Variants in PLSCR4 observed in about 807,000 individuals in gnomAD.
The protein encoded by PLSCR4 is phospholipid scramblase 4.
A neutral mutation model predicts 36.3 loss-of-function variants in PLSCR4; 25 were observed. That is an observed-to-expected ratio of 0.69 (90% CI 0.50 to 0.96). PLSCR4 has a LOEUF of 0.96. Among genes scored for constraint, PLSCR4 ranks in the 40% least tolerant of loss-of-function variants. The probability of loss-of-function intolerance (pLI) is 0.00; values close to 1 mark genes in which losing one functional copy is unlikely to be tolerated. For missense variants in PLSCR4, 408 were observed against 414.7 expected (o/e 0.98, Z 0.14); for synonymous variants, 122 against 132.9 (o/e 0.92, Z 0.56).
intron 1 of PLSCR4, among the ~76,000 whole-genome samples, chr3:146,232,067 T>G (rs900990562): frequency 2.0e-5 from 3 of 152,212 alleles, no homozygotes; most frequent in Non-Finnish European, 2.9e-5. Flanking sequence ...TACAGTCTTC[T>G]GCATATGGCT....
Position 146,196,804 on chromosome 3 carries a change from A to G in PLSCR4, c.625-11T>C, listed in dbSNP as rs1559896496. On this transcript the variant is annotated splice_polypyrimidine_tract_variant and intron_variant, in intron 6 of 8. Coordinates refer to ENST00000354952, the MANE Select transcript of PLSCR4 (RefSeq NM_020353.3). ...ACACTGCACCTCCAGCTGCAAACAA[A>G]ACAGTGACAGAAGTTAGGATGCTAC... 5.6e-6 allele frequency: 9 copies of G among 1,613,184 alleles called. No homozygotes were observed. In the Admixed American group the frequency reaches 1.5e-4, roughly 27 times the overall value.
At chr3:146,246,355 A>C (rs1046843166) in intron 1 of PLSCR4, among the ~76,000 whole-genome samples, 4 of 152,034 alleles carry the variant, frequency 2.6e-5, no homozygotes, top group Admixed American at 2.6e-4. Context: ...TATTAACATC[A>C]TGACTCCTTC....
chr3:146,245,750 TAATA>T (rs1217520967), intron 1 of PLSCR4, among the ~76,000 whole-genome samples: 19 of 151,326 alleles, frequency 1.3e-4, no homozygotes, highest in Non-Finnish European at 2.1e-4. Context: ...AATAAATGTA[TAATA>T]AATTATATAA....
At chr3:146,243,961 G>A (rs969351459) in intron 1 of PLSCR4, among the ~76,000 whole-genome samples, 2 of 152,134 alleles carry the variant, frequency 1.3e-5, no homozygotes, top group Non-Finnish European at 2.9e-5. Flanking sequence ...GTGGCTTTCC[G>A]ACACAGGCAT....
At chr3:146,220,787 G>A (rs1576473298) in intron 3 of PLSCR4, 28 bp downstream of exon 3, 2 of 1,347,012 alleles carry the variant, frequency 1.5e-6, no homozygotes, top group East Asian at 4.6e-5. Context: ...TAGCAAAGGA[G>A]AATATCTTTT....
Position 146,194,449 on chromosome 3 carries a change from T to C in PLSCR4, c.952A>G (p.Met318Val). The C allele has an allele frequency of 2.5e-6, 4 of 1,592,046 alleles. No homozygotes were observed. In the East Asian group the frequency reaches 8.9e-5, roughly 36 times the overall value. Residue 318 changes from methionine (M) to valine (V), a missense_variant, in exon 9 of 9, where the codon ATG becomes GTG. Physicochemically the swap from Met to Val is conservative, Grantham distance 21. Transcript: ENST00000354952. ...TGTGGTGGAGATCTTTCAAAATACATGAAGTCCTGAAATTGGAAAAAGAAT... is the reference window on the plus strand; with the variant it reads ...TGTGGTGGAGATCTTTCAAAATACACGAAGTCCTGAAATTGGAAAAAGAAT... ...IFGACFLIDFMYFERSPPQRS... is the reference protein window; with the variant it reads ...IFGACFLIDFVYFERSPPQRS...
chr3:146,217,231 A>G (rs1366384592), intron 3 of PLSCR4, among the ~76,000 whole-genome samples: 1 of 152,206 alleles, frequency 6.6e-6, no homozygotes, highest in Admixed American at 6.5e-5. Context: ...ATAGCATGTT[A>G]AGGGATTAGA....
intron 4 of PLSCR4, among the ~76,000 whole-genome samples, chr3:146,204,582 G>T (rs923608363): frequency 6.6e-6 from 1 of 151,872 alleles, no homozygotes; most frequent in Non-Finnish European, 1.5e-5. Context: ...CCAAACCTGT[G>T]TTTTGTTTAT....
At chr3:146,197,789 G>A (rs1049918736) in intron 6 of PLSCR4, among the ~76,000 whole-genome samples, 1 of 151,992 alleles carries the variant, frequency 6.6e-6, no homozygotes, top group African/African-American at 2.4e-5. Flanking sequence ...TTTGGGGAAA[G>A]GATTACCCAG....
intron 4 of PLSCR4, among the ~76,000 whole-genome samples, chr3:146,205,551 C>T (rs1013723608): frequency 6.6e-6 from 1 of 152,014 alleles, no homozygotes; most frequent in African/African-American, 2.4e-5. Flanking sequence ...AATGCAAGCA[C>T]TGTGATACTG....
Position 146,196,798 on chromosome 3 carries a change from A to T in PLSCR4, c.625-5T>A. On this transcript the variant is annotated splice_region_variant and splice_polypyrimidine_tract_variant and intron_variant, in intron 6 of 8. Transcript: ENST00000354952. ...AGGAGGACACTGCACCTCCAGCTGC[A>T]AACAAAACAGTGACAGAAGTTAGGA... 1 of 1,613,462 alleles carries T rather than the reference A, an allele frequency of 6.2e-7. No individual in the cohort carries two copies. Among genetic ancestry groups the T allele is most frequent in the Non-Finnish European group, 8.5e-7 (1 of 1,179,640 alleles).
In PLSCR4 at chr3:146,226,481, G is replaced by A. The variant is rs553610240; in HGVS notation, c.-21-4389C>T. 7.2e-5 allele frequency among the ~76,000 whole-genome samples: 11 copies of A among 152,240 alleles called. No homozygotes were observed. The East Asian group carries it at 1.7e-3, about 24-fold the overall frequency. ...AATTATTATATCTATGTGTCTGTCC[G>A]CCTATCATCTATCTAGCTATCTATA... On this transcript the variant is annotated intron_variant, in intron 1 of 8. Transcript: ENST00000354952.
At chr3:146,237,530 A>T (rs1482458383) in intron 1 of PLSCR4, among the ~76,000 whole-genome samples, 2 of 152,118 alleles carry the variant, frequency 1.3e-5, no homozygotes, top group Non-Finnish European at 2.9e-5. Flanking sequence ...ATAAAATATT[A>T]TCTGAACACA....
rs1576449356 is a variant in PLSCR4, at chr3:146,200,056, G to A, written c.398-17C>T. On this transcript the variant is annotated splice_polypyrimidine_tract_variant and intron_variant, in intron 5 of 8. Coordinates refer to ENST00000354952, the MANE Select transcript of PLSCR4 (RefSeq NM_020353.3). ...ATGTCATCACTAAAAAATAAAATGAGTAAGTCTATATTAGAAACATTTAAA... is the reference window on the plus strand; with the variant it reads ...ATGTCATCACTAAAAAATAAAATGAATAAGTCTATATTAGAAACATTTAAA... 3 of 1,392,520 alleles carry A rather than the reference G, an allele frequency of 2.2e-6. No individual in the cohort carries two copies. The highest frequency in any genetic ancestry group is 3.0e-6 in the Non-Finnish European group (3 of 984,290). The allele number at this position is 1,392,520 out of a possible 1,614,324, so 86.3% of individuals were successfully genotyped here.
chr3:146,211,129 C>T (rs2175669), intron 3 of PLSCR4, among the ~76,000 whole-genome samples: 48,326 of 151,810 alleles, frequency 0.32, 8,444 homozygotes, highest in South Asian at 0.45. Context: ...TTATTAACTG[C>T]CAAACTGTTT....
At chr3:146,201,839 G>A (rs1242556783) in intron 4 of PLSCR4, among the ~76,000 whole-genome samples, 1 of 152,048 alleles carries the variant, frequency 6.6e-6, no homozygotes, top group Admixed American at 6.6e-5. Flanking sequence ...TCTGTTACAT[G>A]TGAGAACATT....
chr3:146,249,845 T>C (rs770330672), intron 1 of PLSCR4, among the ~76,000 whole-genome samples: 10 of 152,142 alleles, frequency 6.6e-5, no homozygotes, highest in Non-Finnish European at 1.2e-4. Context: ...TACCTTTTTA[T>C]ATCTTCTTAA....
chr3:146,222,595 T>C (rs901258430), intron 1 of PLSCR4, among the ~76,000 whole-genome samples: 7 of 152,056 alleles, frequency 4.6e-5, no homozygotes, highest in Non-Finnish European at 1.0e-4. Flanking sequence ...GAGCATGGGA[T>C]ACTGAAGGGA....
chr3:146,196,801 C>A lies in PLSCR4; in HGVS notation c.625-8G>T, dbSNP rs370094397. On this transcript the variant is annotated splice_region_variant and splice_polypyrimidine_tract_variant and intron_variant, in intron 6 of 8. Coordinates refer to ENST00000354952, the MANE Select transcript of PLSCR4 (RefSeq NM_020353.3). ...AGGACACTGCACCTCCAGCTGCAAA[C>A]AAAACAGTGACAGAAGTTAGGATGC... 30 of 1,613,246 alleles carry A rather than the reference C, an allele frequency of 1.9e-5. No homozygotes were observed. The South Asian group carries it at 2.5e-4, about 14-fold the overall frequency.
Sources: allele counts gnomAD v4.1 joint callset (sites outside exome capture counted in the v4.1 genomes callset), GRCh38; gene constraint gnomAD v4.1.1; transcripts MANE v1.5; gene names NCBI Gene and HGNC (gene_info 2026-07-23, HGNC 2026-07-21).